TTC13: variants seen among roughly 807,000 people sequenced by gnomAD.
The protein encoded by TTC13 is tetratricopeptide repeat domain 13.
In TTC13, 62 loss-of-function variants were observed where a neutral mutation model predicts 120.0. The observed-to-expected ratio is 0.52, with a 90% CI of 0.42 to 0.64. The LOEUF (loss-of-function observed/expected upper bound fraction) is 0.64, where lower values mean the gene tolerates loss of function less well. TTC13 is among the 30% of genes least tolerant of loss of function. The pLI, the probability that TTC13 is intolerant of heterozygous loss-of-function variation, is 0.00. For missense variants in TTC13, 824 were observed against 1,050.2 expected, an observed-to-expected ratio of 0.78 and a Z score of 2.98; for synonymous variants, 384 against 393.5, an observed-to-expected ratio of 0.98 and a Z score of 0.28.
At chr1:230,912,575 A>G (rs1449348794) in intron 19 of TTC13, 48 bp downstream of exon 19, 1 of 1,591,272 alleles carries the variant, frequency 6.3e-7, no homozygotes, top group South Asian at 1.2e-5. Context: ...AAAAATTTAC[A>G]AAAGAATCAT....
In TTC13 at chr1:230,924,908, G is replaced by A; in HGVS notation, c.1654C>T (p.Arg552Ter). Reference protein sequence around the residue: ...VQRTWTNSKVRMNGKTRLMQW... With the variant: ...VQRTWTNSKV ...ATCAACCGTGTCTTCCCATTCATTC[G>A]AACTTTCGAGTTGGTCCATGTACGC... Residue 552 changes from arginine to a stop codon, truncating the protein, a stop_gained, in exon 14 of 23, where the codon CGA becomes TGA. Coordinates refer to ENST00000366661, the MANE Select transcript of TTC13 (RefSeq NM_024525.5). LOFTEE classifies it high-confidence loss of function. 2 of 1,614,082 alleles carry A rather than the reference G, an allele frequency of 1.2e-6. No individual in the cohort carries two copies. The highest frequency in any genetic ancestry group is 1.7e-6 in the Non-Finnish European group (2 of 1,180,036).
In TTC13 at chr1:230,933,877, A is replaced by G; in HGVS notation, c.901-16T>C. The G allele has an allele frequency of 6.6e-7, 1 of 1,513,388 alleles. No homozygotes were observed. Among genetic ancestry groups the G allele is most frequent in the Non-Finnish European group, 9.0e-7 (1 of 1,107,122 alleles). The allele number at this position is 1,513,388 out of a possible 1,614,324, so 93.7% of individuals were successfully genotyped here. On this transcript the variant is annotated splice_polypyrimidine_tract_variant and intron_variant, in intron 8 of 22. Coordinates refer to ENST00000366661, the MANE Select transcript of TTC13 (RefSeq NM_024525.5). Reference sequence around the variant, plus strand: ...CAATAGCTTCCTATAAAAAGTGTAGAGAAAATTATTTCATTTGCATAATTG... The same window carrying G: ...CAATAGCTTCCTATAAAAAGTGTAGGGAAAATTATTTCATTTGCATAATTG...
intron 1 of TTC13, among the ~76,000 whole-genome samples, chr1:230,963,367 G>A (rs770223737): frequency 1.8e-4 from 28 of 152,228 alleles, no homozygotes; most frequent in Non-Finnish European, 2.8e-4. Flanking sequence ...GGCTGGGTGC[G>A]GTGACTCACA....
rs768702418 is a variant in TTC13 at position 230,921,480 on chromosome 1, G to A, written c.1839C>T (p.Tyr613=). ...LIRGQVINMR[Y]LEYFEKILHF... ...GAAGTATTTTCTCAAAATATTCTAG[G>A]TATCTCATGTTGATCACCTGACCCC... Residue 613 remains tyrosine (Y), a synonymous_variant, in exon 16 of 23, where the codon TAC becomes TAT. Transcript: ENST00000366661. 42 of 1,543,980 alleles carry A rather than the reference G, an allele frequency of 2.7e-5. No individual in the cohort carries two copies. The highest frequency in any genetic ancestry group is 3.4e-4 in the Middle Eastern group (2 of 5,856).
chr1:230,922,049 G>A (rs952343676), intron 15 of TTC13, among the ~76,000 whole-genome samples: 5 of 151,964 alleles, frequency 3.3e-5, no homozygotes, highest in Non-Finnish European at 5.9e-5. Context: ...CCAGGACATC[G>A]CTCCCTGGGT....
In TTC13 at chr1:230,906,837, C is replaced by T. The variant is rs186864403; in HGVS notation, c.*68G>A. On this transcript the variant is annotated 3_prime_UTR_variant, in exon 23 of 23. Coordinates refer to ENST00000366661, the MANE Select transcript of TTC13 (RefSeq NM_024525.5). ...AGAGGACCTAATTTCTTTATAATTC[C>T]ATGTTTTAAAAAATAACTTAAGAAG... The T allele has an allele frequency of 1.5e-4, 107 of 691,910 alleles. 1 individual carries two copies. The Admixed American group carries it at 3.3e-3, about 21-fold the overall frequency. 42.9% of individuals were successfully genotyped at this position (691,910 alleles called of 1,614,324 possible). A position where few individuals can be genotyped will look rare whatever the true frequency, so the allele number is the denominator to read the frequency against.
intron 1 of TTC13, among the ~76,000 whole-genome samples, chr1:230,975,154 T>C (rs1678145567): frequency 1.3e-5 from 2 of 151,714 alleles, no homozygotes; most frequent in Admixed American, 6.6e-5. Context: ...GTGGAAGTAC[T>C]GCTTGAGTCC....
At position 230,927,593 on chromosome 1, in the gene TTC13, T is replaced by A. The variant is rs543155790; in HGVS notation, c.1457+1344A>T. ...AGTGATACTTCATAAATTTGGACAG[T>A]AATTCTTGGTCAGTTATTAAATTTC... On this transcript the variant is annotated intron_variant, in intron 12 of 22. Transcript: ENST00000366661. 3.3e-5 allele frequency among the ~76,000 whole-genome samples: 5 copies of A among 152,318 alleles called. No individual in the cohort carries two copies. The East Asian group carries it at 9.7e-4, about 29-fold the overall frequency.
In TTC13 at chr1:230,973,874, G is replaced by A. The variant is rs375710918; in HGVS notation, c.271+4686C>T. 4.6e-4 allele frequency among the ~76,000 whole-genome samples: 70 copies of A among 152,096 alleles called. 1 individual carries two copies. The highest frequency in any genetic ancestry group is 4.5e-3 in the East Asian group (23 of 5,156). On this transcript the variant is annotated intron_variant, in intron 1 of 22. Transcript: ENST00000366661. ...GGGCAGATCACGAGGTCAGGAGTTC[G>A]AGACCAGCCTGGCCAACATGGTGAA...
intron 4 of TTC13, 112 bp from the exon 5 acceptor site, chr1:230,945,566 C>T: frequency 1.1e-6 from 1 of 904,048 alleles, no homozygotes; most frequent in Non-Finnish European, 1.8e-6. Flanking sequence ...CTTCTTTATG[C>T]TACGACCACT....
At chr1:230,962,675 G>T (rs2102971975) in intron 1 of TTC13, among the ~76,000 whole-genome samples, 2 of 152,202 alleles carry the variant, frequency 1.3e-5, no homozygotes, top group East Asian at 3.9e-4. Flanking sequence ...TAGCCAAAAG[G>T]GAGAAATGGT....
chr1:230,943,951 GA>G, intron 5 of TTC13, 53 bp from the exon 6 acceptor site: 1 of 1,362,412 alleles, frequency 7.3e-7, no homozygotes, highest in Non-Finnish European at 1.0e-6. Flanking sequence ...AAACCAGGCT[GA>G]AAAAATTTTC....
intron 8 of TTC13, among the ~76,000 whole-genome samples, chr1:230,935,270 A>G (rs1218138697): frequency 6.6e-6 from 1 of 152,222 alleles, no homozygotes; most frequent in Admixed American, 6.5e-5. Context: ...GAAGGCAAGG[A>G]TGAGCCAGTC....
At chr1:230,974,438 G>A (rs1452755146) in intron 1 of TTC13, among the ~76,000 whole-genome samples, 4 of 149,650 alleles carry the variant, frequency 2.7e-5, no homozygotes, top group African/African-American at 9.7e-5. Context: ...CATTTTCACT[G>A]TACATTTTCT....
rs894153772 is a variant in TTC13, at chr1:230,939,516, G to A, written c.790-20C>T. 2.0e-6 allele frequency: 3 copies of A among 1,513,604 alleles called. No homozygotes were observed. The East Asian group carries it at 6.8e-5, about 34-fold the overall frequency. 93.8% of individuals were successfully genotyped at this position (1,513,604 alleles called of 1,614,324 possible). A position where few individuals can be genotyped will look rare whatever the true frequency, so the allele number is the denominator to read the frequency against. ...ATAGTCCTACAAAAAGGAGAGTGGG[G>A]GGAAAAATAAAATAGTATTCATTAG... On this transcript the variant is annotated intron_variant, in intron 7 of 22. Transcript: ENST00000366661.
chr1:230,921,373 A>C (rs1210621154), intron 16 of TTC13, 48 bp downstream of exon 16: 1 of 1,107,882 alleles, frequency 9.0e-7, no homozygotes, highest in East Asian at 2.5e-5. Context: ...CAAATATAAA[A>C]CACATGAAAT....
intron 6 of TTC13, among the ~76,000 whole-genome samples, chr1:230,941,629 T>G (rs781519596): frequency 6.6e-6 from 1 of 152,190 alleles, no homozygotes; most frequent in Non-Finnish European, 1.5e-5. Flanking sequence ...GACAGGTTAT[T>G]TCTACCGAAT....
intron 4 of TTC13, among the ~76,000 whole-genome samples, chr1:230,952,248 T>C (rs1675666080): frequency 6.6e-6 from 1 of 152,206 alleles, no homozygotes; most frequent in Non-Finnish European, 1.5e-5. Flanking sequence ...CAAATTATTC[T>C]TGTTTACCCA....
chr1:230,964,239 G>T (rs11122167), intron 1 of TTC13, among the ~76,000 whole-genome samples: 4 of 152,114 alleles, frequency 2.6e-5, no homozygotes, highest in African/African-American at 9.7e-5. Context: ...ATTTCAGTAA[G>T]TATTCTTGAC....
Sources: allele counts gnomAD v4.1 joint callset (sites outside exome capture counted in the v4.1 genomes callset), GRCh38; gene constraint gnomAD v4.1.1; transcripts MANE v1.5; gene names NCBI Gene and HGNC (gene_info 2026-07-23, HGNC 2026-07-21).